Variants in RIT2 observed in about 807,000 individuals in gnomAD.
RIT2 encodes the protein Ras like without CAAX 2.
RIT2 carries 24 observed loss-of-function variants against 23.7 expected under a neutral mutation model. That is an observed-to-expected ratio of 1.01 (90% CI 0.73 to 1.43). The LOEUF (loss-of-function observed/expected upper bound fraction) is 1.43. RIT2 is among the 40% of genes most tolerant of loss of function. The probability of loss-of-function intolerance (pLI) is 0.00; values close to 1 mark genes in which losing one functional copy is unlikely to be tolerated. For synonymous variants in RIT2, 107 were observed against 91.1 expected (o/e 1.17, Z -0.99); for missense variants, 236 against 266.9 (o/e 0.88, Z 0.81).
chr18:42,845,289 A>G (rs1906876769), intron 4 of RIT2, among the ~76,000 whole-genome samples: 1 of 152,066 alleles, frequency 6.6e-6, no homozygotes, highest in Non-Finnish European at 1.5e-5. Flanking sequence ...GATACTAGAC[A>G]GTAGTTAAAC....
At chr18:42,851,149 A>G (rs1190428222) in intron 4 of RIT2, among the ~76,000 whole-genome samples, 4 of 152,202 alleles carry the variant, frequency 2.6e-5, no homozygotes, top group Non-Finnish European at 5.9e-5. Flanking sequence ...TGATGCCAAA[A>G]GTCTAGCCAA....
chr18:42,987,580 CAT>C (rs1291762818), intron 2 of RIT2, among the ~76,000 whole-genome samples: 1 of 152,198 alleles, frequency 6.6e-6, no homozygotes, highest in African/African-American at 2.4e-5. Flanking sequence ...TAGAGTTACA[CAT>C]GTGTGGGAAA....
intron 2 of RIT2, among the ~76,000 whole-genome samples, chr18:43,018,965 GA>G (rs971197546): frequency 3.3e-5 from 5 of 151,110 alleles, no homozygotes; most frequent in African/African-American, 7.3e-5. Flanking sequence ...AAGAATGAAA[GA>G]AAAAAATCAA....
intron 4 of RIT2, among the ~76,000 whole-genome samples, chr18:42,815,795 A>T (rs762491378): frequency 1.3e-5 from 2 of 152,182 alleles, no homozygotes; most frequent in Non-Finnish European, 2.9e-5. Context: ...TCAGAACAAT[A>T]CAAATCACTC....
intron 4 of RIT2, among the ~76,000 whole-genome samples, chr18:42,822,420 C>T (rs748251083): frequency 6.6e-6 from 1 of 151,996 alleles, no homozygotes; most frequent in Non-Finnish European, 1.5e-5. Flanking sequence ...ATGTTGTTGG[C>T]GACGGTTGAT....
chr18:43,067,812 C>G (rs1233924443), intron 1 of RIT2, among the ~76,000 whole-genome samples: 1 of 151,296 alleles, frequency 6.6e-6, no homozygotes, highest in Non-Finnish European at 1.5e-5. Flanking sequence ...TGTCTGACCC[C>G]TTGTTACTCT....
chr18:42,935,096 G>T (rs1457844828), intron 3 of RIT2, among the ~76,000 whole-genome samples: 3 of 152,094 alleles, frequency 2.0e-5, no homozygotes, highest in Non-Finnish European at 2.9e-5. Flanking sequence ...ATTAAATAAA[G>T]AAACAGCTGG....
chr18:42,790,068 C>T (rs985842141), intron 4 of RIT2, among the ~76,000 whole-genome samples: 1 of 152,130 alleles, frequency 6.6e-6, no homozygotes, highest in Non-Finnish European at 1.5e-5. Context: ...TTTTCTGTGT[C>T]TATTGAGATG....
At chr18:43,112,215 T>A (rs893476424) in intron 1 of RIT2, among the ~76,000 whole-genome samples, 1 of 152,160 alleles carries the variant, frequency 6.6e-6, no homozygotes, top group African/African-American at 2.4e-5. Context: ...TTAAACATAA[T>A]GTAGTAGAGT....
At chr18:42,985,478 A>G (rs1262355711) in intron 2 of RIT2, among the ~76,000 whole-genome samples, 1 of 152,176 alleles carries the variant, frequency 6.6e-6, no homozygotes, top group Non-Finnish European at 1.5e-5. Context: ...AAAGGACAAC[A>G]AGCTCTACCA....
chr18:42,992,115 G>A (rs957366166), intron 2 of RIT2, among the ~76,000 whole-genome samples: 6 of 147,614 alleles, frequency 4.1e-5, no homozygotes, highest in South Asian at 2.2e-4. Flanking sequence ...TTTTAAACTT[G>A]CCTCCTTCAC....
At chr18:43,106,257 C>A (rs189543968) in intron 1 of RIT2, among the ~76,000 whole-genome samples, 17 of 152,310 alleles carry the variant, frequency 1.1e-4, no homozygotes, top group African/African-American at 4.1e-4. Context: ...AGAAACATTC[C>A]TCTTTTGTGA....
chr18:42,881,928 A>T (rs540847153), intron 4 of RIT2, among the ~76,000 whole-genome samples: 6 of 152,254 alleles, frequency 3.9e-5, no homozygotes, highest in African/African-American at 1.4e-4. Flanking sequence ...TCAGGCATAC[A>T]GGCGGATCAC....
At chr18:42,802,344 A>G (rs1233939886) in intron 4 of RIT2, among the ~76,000 whole-genome samples, 2 of 152,176 alleles carry the variant, frequency 1.3e-5, no homozygotes, top group Non-Finnish European at 1.5e-5. Flanking sequence ...AGTTACAAAA[A>G]GTAAATGCAA....
intron 4 of RIT2, among the ~76,000 whole-genome samples, chr18:42,874,359 T>A (rs958357276): frequency 3.3e-5 from 5 of 152,258 alleles, no homozygotes; most frequent in Admixed American, 6.5e-5. Flanking sequence ...TTTCTTCTAC[T>A]TTTTTATATA....
chr18:43,025,211 A>AAAAAC (rs1409326425), intron 2 of RIT2, among the ~76,000 whole-genome samples: 9 of 150,426 alleles, frequency 6.0e-5, no homozygotes, highest in Non-Finnish European at 1.3e-4. Context: ...TCTGTCTAAA[A>AAAAAC]AAAACAAAAC....
chr18:43,022,509 T>C (rs1911620265), intron 2 of RIT2, among the ~76,000 whole-genome samples: 2 of 152,112 alleles, frequency 1.3e-5, no homozygotes, highest in South Asian at 4.1e-4. Flanking sequence ...ATACCCTAAA[T>C]ACTGTCATTT....
intron 4 of RIT2, among the ~76,000 whole-genome samples, chr18:42,889,054 T>A (rs1254302037): frequency 6.6e-6 from 1 of 152,040 alleles, no homozygotes; most frequent in African/African-American, 2.4e-5. Flanking sequence ...TGTTTCTAAA[T>A]GAAAATTGAA....
intron 2 of RIT2, among the ~76,000 whole-genome samples, chr18:42,985,292 G>A (rs1324568434): frequency 6.6e-6 from 1 of 152,046 alleles, no homozygotes; most frequent in African/African-American, 2.4e-5. Context: ...AATAAGTGGA[G>A]GTATATGCCA....
Sources: allele counts gnomAD v4.1 joint callset (sites outside exome capture counted in the v4.1 genomes callset), GRCh38; gene constraint gnomAD v4.1.1; transcripts MANE v1.5; gene names NCBI Gene and HGNC (gene_info 2026-07-23, HGNC 2026-07-21).